CFAP74: variants seen among roughly 807,000 people sequenced by gnomAD.
The protein encoded by CFAP74 is cilia- and flagella-associated protein 74.
In CFAP74, 124 loss-of-function variants were observed where a neutral mutation model predicts 188.9. That is an observed-to-expected ratio of 0.66 (90% confidence interval 0.57 to 0.76). The LOEUF is 0.76. CFAP74 is among the 30% of genes least tolerant of loss of function. The pLI is 0.00. For missense variants in CFAP74, 2,198 were observed against 2,165.2 expected (o/e 1.02, Z -0.30); for synonymous variants, 956 against 916.7 (o/e 1.04, Z -0.77).
chr1:1,957,851 G>T (rs1654768044), intron 16 of CFAP74, among the ~76,000 whole-genome samples: 1 of 152,194 alleles, frequency 6.6e-6, no homozygotes, highest in Non-Finnish European at 1.5e-5. Flanking sequence ...AGCCCGCACA[G>T]CCGAGTGCCG....
chr1:1,993,910 A>C (rs924990628), intron 1 of CFAP74, among the ~76,000 whole-genome samples: 1 of 150,394 alleles, frequency 6.6e-6, no homozygotes, highest in Non-Finnish European at 1.5e-5. Context: ...TGAACCCGGG[A>C]GGCGGAGCTT....
chr1:1,987,159 C>T (rs1356235238), intron 4 of CFAP74, 124 bp from the exon 5 acceptor site: 2 of 699,884 alleles, frequency 2.9e-6, no homozygotes, highest in Non-Finnish European at 4.8e-6. Flanking sequence ...CTCACCCGGG[C>T]CAGGGGTCTC....
In CFAP74 at chr1:1,968,817, GCTC is replaced by G; in HGVS notation, c.1060_1062del (p.Glu354del). 6.2e-7 allele frequency: 1 copy of G among 1,613,982 alleles called. No homozygotes were observed. The highest frequency in any genetic ancestry group is 2.2e-5 in the East Asian group (1 of 44,868). On this transcript the variant is annotated inframe_deletion, in exon 11 of 39. Transcript: ENST00000682832. This position sits in a 1 kb window ranked among gnomAD's most constrained non-coding sequence, Gnocchi z 4.3. ...ATGATCTCCTGCTTTCTGAGCTTCT[GCTC>G]CTCCTCAAAGGCCCTGCGTGGAGTC...
At chr1:1,998,750 A>G (rs1364926685) in intron 1 of CFAP74, among the ~76,000 whole-genome samples, 3 of 151,846 alleles carry the variant, frequency 2.0e-5, no homozygotes, top group African/African-American at 2.4e-5. Flanking sequence ...GGTGGCGGGC[A>G]CCTGTAGTCC....
In CFAP74 at chr1:1,968,695, G is replaced by C. The variant is rs774751612; in HGVS notation, c.1185C>G (p.Thr395=). The part of the protein sequence containing the change: ...ARHRLTLRDK[T]WNYISDFCKK... ...TGCAAAAGTCAGAAATGTAGTTCCA[G>C]GTCTTGTCCCTCAGGGTCAGCCGGT... The change falls in exon 11 of 39, where the codon ACC becomes ACG. Residue 395 remains threonine (T), a synonymous_variant. Coordinates refer to ENST00000682832, the MANE Select transcript of CFAP74 (RefSeq NM_001304360.2). This position sits in a 1 kb window ranked among gnomAD's most constrained non-coding sequence, Gnocchi z 4.3. 6.2e-7 allele frequency: 1 copy of C among 1,614,112 alleles called. No homozygotes were observed. The highest frequency in any genetic ancestry group is 1.1e-5 in the South Asian group (1 of 91,090).
In CFAP74 at chr1:1,968,733, T is replaced by G. The variant is rs781084372; in HGVS notation, c.1147A>C (p.Thr383Pro). The change falls in exon 11 of 39, where the codon ACC becomes CCC. Residue 383 changes from threonine (T) to proline (P), a missense_variant. Physicochemically the swap from Thr to Pro is conservative, Grantham distance 38. Transcript: ENST00000682832. This position sits in a 1 kb window ranked among gnomAD's most constrained non-coding sequence, Gnocchi z 4.3. ...EEKRKKQHPP[T>P]SARHRLTLRD... ...AGGGTCAGCCGGTGCCTGGCACTGGTGGGGGGATGCTGTTTCTTCCTCTTT... is the reference window on the plus strand; with the variant it reads ...AGGGTCAGCCGGTGCCTGGCACTGGGGGGGGGATGCTGTTTCTTCCTCTTT... 6.2e-6 allele frequency: 10 copies of G among 1,613,868 alleles called. No individual in the cohort carries two copies. Among genetic ancestry groups the G allele is most frequent in the Non-Finnish European group, 7.6e-6 (9 of 1,179,932 alleles).
chr1:1,972,211 G>A (rs993145863), intron 8 of CFAP74, 129 bp from the exon 9 acceptor site: 7 of 713,704 alleles, frequency 9.8e-6, no homozygotes, highest in Admixed American at 4.1e-5. Flanking sequence ...CTCCCAAAGC[G>A]CTGGGATCAC....
intron 20 of CFAP74, among the ~76,000 whole-genome samples, chr1:1,945,511 A>T (rs571921336): frequency 1.3e-5 from 2 of 152,124 alleles, no homozygotes; most frequent in Non-Finnish European, 2.9e-5. Flanking sequence ...TAGGGGGTGC[A>T]GAGAAATGTT....
chr1:1,978,980 G>A (rs1209906876), intron 6 of CFAP74, among the ~76,000 whole-genome samples: 2 of 151,858 alleles, frequency 1.3e-5, no homozygotes, highest in Non-Finnish European at 2.9e-5. Context: ...GGCGTGGGAA[G>A]GCGTCACGTG....
At chr1:1,981,210 C>T (rs1656821125) in intron 6 of CFAP74, among the ~76,000 whole-genome samples, 1 of 152,250 alleles carries the variant, frequency 6.6e-6, no homozygotes, top group Admixed American at 6.5e-5. Context: ...GCAACAATCC[C>T]ACTGAGTGGA....
At chr1:1,998,677 A>G (rs1658043958) in intron 1 of CFAP74, among the ~76,000 whole-genome samples, 1 of 152,028 alleles carries the variant, frequency 6.6e-6, no homozygotes. Context: ...GATCAAGACC[A>G]TCCTGGCTAA....
At chr1:1,925,141 C>A (rs1357571860) in intron 33 of CFAP74, among the ~76,000 whole-genome samples, 1 of 148,526 alleles carries the variant, frequency 6.7e-6, no homozygotes, top group African/African-American at 2.5e-5. Flanking sequence ...CATGAGGGCA[C>A]GCAGGGCAGG....
At position 1,922,517 on chromosome 1, in the gene CFAP74, G is replaced by A. The variant is rs78975783; in HGVS notation, c.4818+72C>T. On this transcript the variant is annotated intron_variant, in intron 38 of 38. Coordinates refer to ENST00000682832, the MANE Select transcript of CFAP74 (RefSeq NM_001304360.2). ...CACGGCCACCTCCTCCCCTGGGACT[G>A]GGCAGGGGTGTCAGCCCACCCAGCC... The A allele has an allele frequency of 1.3e-3, 2,080 of 1,577,540 alleles. 19 individuals are homozygous for A. The African/African-American group carries it at 0.024, about 18-fold the overall frequency.
intron 16 of CFAP74, among the ~76,000 whole-genome samples, chr1:1,958,806 T>TC (rs1654852677): frequency 1.3e-5 from 2 of 151,980 alleles, no homozygotes; most frequent in Non-Finnish European, 2.9e-5. Flanking sequence ...TCAGGCGGGA[T>TC]CCCCCCAAGA....
chr1:1,953,733 G>A (rs1467140348), intron 18 of CFAP74: 1 of 153,644 alleles, frequency 6.5e-6, no homozygotes, highest in Non-Finnish European at 1.5e-5. Flanking sequence ...GAGTGAATTT[G>A]AGGTGGATCA....
At chr1:1,947,230 C>T (rs568219405) in intron 18 of CFAP74, among the ~76,000 whole-genome samples, 176 bp from the exon 19 acceptor site, 1 of 152,332 alleles carries the variant, frequency 6.6e-6, no homozygotes, top group South Asian at 2.1e-4. Context: ...GAGGGTGCAG[C>T]CAGTCCCCAC....
At chr1:1,992,462 C>A (rs532912855) in intron 1 of CFAP74, among the ~76,000 whole-genome samples, 2 of 151,434 alleles carry the variant, frequency 1.3e-5, no homozygotes, top group Non-Finnish European at 2.9e-5. Context: ...GCCACTACAT[C>A]TGGCACCAAA....
At chr1:1,978,393 C>T (rs375948556) in intron 6 of CFAP74, among the ~76,000 whole-genome samples, 33 of 151,848 alleles carry the variant, frequency 2.2e-4, no homozygotes, top group Non-Finnish European at 4.1e-4. Flanking sequence ...CCTCGGTGGG[C>T]AGCAGGGCAG....
intron 18 of CFAP74, among the ~76,000 whole-genome samples, chr1:1,950,453 C>T (rs1009128455): frequency 6.6e-6 from 1 of 151,888 alleles, no homozygotes; most frequent in Non-Finnish European, 1.5e-5. Context: ...GATTCTCCTG[C>T]CTCAGCCTCC....
Sources: gnomAD v4.1 joint callset for allele counts (sites outside exome capture counted in the v4.1 genomes callset) on GRCh38, gnomAD v4.1.1 for gene constraint, Gnocchi (gnomAD v3.1) non-coding constraint, MANE v1.5 for transcripts, NCBI Gene and HGNC (gene_info 2026-07-23, HGNC 2026-07-21) for gene names.